CHRM3: variants seen among roughly 807,000 people sequenced by gnomAD.
The protein encoded by CHRM3 is muscarinic acetylcholine receptor M3.
In CHRM3, 11 loss-of-function variants were observed where a neutral mutation model predicts 41.8. The ratio of observed to expected loss-of-function variants is 0.26; its 90% CI spans 0.17 to 0.44. The LOEUF is 0.44. Ranked by LOEUF, CHRM3 falls within the 20% of genes least tolerant of loss-of-function variation. The probability of loss-of-function intolerance (pLI) is 1.00; values close to 1 mark genes in which losing one functional copy is unlikely to be tolerated. For missense variants in CHRM3, 571 were observed against 745.4 expected (o/e 0.77, Z 2.72); for synonymous variants, 297 against 301.4 (o/e 0.99, Z 0.15).
At chr1:239,564,550 T>C (rs1661170964) in intron 3 of CHRM3, among the ~76,000 whole-genome samples, 1 of 152,216 alleles carries the variant, frequency 6.6e-6, no homozygotes, top group Non-Finnish European at 1.5e-5. Context: ...ACAGAGAAAC[T>C]AATTATTCCA....
At chr1:239,838,658 G>A (rs1193068248) in intron 6 of CHRM3, among the ~76,000 whole-genome samples, 3 of 152,184 alleles carry the variant, frequency 2.0e-5, no homozygotes, top group Admixed American at 6.5e-5. Context: ...AAGCTGGTTA[G>A]TGATAAAGTA....
At chr1:239,739,781 T>G (rs769495895) in intron 5 of CHRM3, among the ~76,000 whole-genome samples, 2 of 152,182 alleles carry the variant, frequency 1.3e-5, no homozygotes, top group Non-Finnish European at 2.9e-5. Flanking sequence ...AGTGTCTGTT[T>G]TCTTTAGCAA....
At chr1:239,618,688 C>CAAAGAAA in intron 3 of CHRM3, among the ~76,000 whole-genome samples, 1 of 150,480 alleles carries the variant, frequency 6.6e-6, no homozygotes, top group Non-Finnish European at 1.5e-5. Flanking sequence ...ACTAAAAATA[C>CAAAGAAA]AAAAAATTAG....
intron 1 of CHRM3, among the ~76,000 whole-genome samples, chr1:239,427,825 A>G (rs990584866): frequency 6.6e-6 from 1 of 152,090 alleles, no homozygotes; most frequent in African/African-American, 2.4e-5. Flanking sequence ...GTTTTGCTGA[A>G]AGAAAAGGCA....
chr1:239,473,624 A>T (rs1666278466), intron 1 of CHRM3, among the ~76,000 whole-genome samples: 1 of 152,178 alleles, frequency 6.6e-6, no homozygotes, highest in African/African-American at 2.4e-5. Flanking sequence ...AAAGCCAGAA[A>T]CAACTCAAAT....
intron 1 of CHRM3, among the ~76,000 whole-genome samples, chr1:239,464,211 C>A (rs1440505219): frequency 1.3e-5 from 2 of 149,642 alleles, no homozygotes; most frequent in African/African-American, 4.9e-5. Context: ...ACCCAGGAAG[C>A]AGCAGTTGCA....
In CHRM3 at chr1:239,676,140, A is replaced by T. The variant is rs150289053; in HGVS notation, c.-249-2046A>T. On this transcript the variant is annotated intron_variant, in intron 4 of 6. Coordinates refer to ENST00000676153, the MANE Select transcript of CHRM3 (RefSeq NM_001375978.1). ...AAGACAGTTCTAACTTCTTGTCAGCATCAAAGACCCTTGCCCCAGACGCTG... is the reference window on the plus strand; with the variant it reads ...AAGACAGTTCTAACTTCTTGTCAGCTTCAAAGACCCTTGCCCCAGACGCTG... Among the ~76,000 whole-genome samples the T allele has an allele frequency of 4.5e-3, 678 of 152,326 alleles. 4 individuals carry two copies. The highest frequency in any genetic ancestry group is 0.015 in the African/African-American group (639 of 41,562).
chr1:239,767,559 T>C (rs1379874092), intron 5 of CHRM3, among the ~76,000 whole-genome samples: 2 of 152,198 alleles, frequency 1.3e-5, no homozygotes, highest in Admixed American at 6.5e-5. Flanking sequence ...ATCAATATGG[T>C]TAACAAATCA....
intron 6 of CHRM3, among the ~76,000 whole-genome samples, chr1:239,835,455 A>C (rs1673233149): frequency 6.6e-6 from 1 of 151,876 alleles, no homozygotes; most frequent in Admixed American, 6.6e-5. Context: ...TTGTTTGGGC[A>C]ATGCTGTCAA....
intron 3 of CHRM3, among the ~76,000 whole-genome samples, chr1:239,618,001 A>G (rs751769041): frequency 3.9e-5 from 6 of 152,012 alleles, no homozygotes; most frequent in Middle Eastern, 3.2e-3. Flanking sequence ...AGCAGCATTC[A>G]TCAGTCTTCT....
intron 4 of CHRM3, among the ~76,000 whole-genome samples, chr1:239,635,977 T>A (rs1319478767): frequency 6.6e-6 from 1 of 152,112 alleles, no homozygotes; most frequent in Non-Finnish European, 1.5e-5. Context: ...GAGAAAAAGA[T>A]GAAGAAACAA....
intron 5 of CHRM3, among the ~76,000 whole-genome samples, chr1:239,739,978 C>G (rs1664699922): frequency 6.6e-6 from 1 of 151,992 alleles, no homozygotes; most frequent in South Asian, 2.1e-4. Flanking sequence ...TCATCTCTCT[C>G]TGGGCATTAA....
At chr1:239,464,046 G>A (rs1000080480) in intron 1 of CHRM3, among the ~76,000 whole-genome samples, 7 of 152,160 alleles carry the variant, frequency 4.6e-5, no homozygotes, top group African/African-American at 1.7e-4. Flanking sequence ...GGAGGCCAAG[G>A]TGGGCGGATC....
intron 2 of CHRM3, among the ~76,000 whole-genome samples, chr1:239,517,160 G>T (rs183236446): frequency 1.3e-5 from 2 of 152,222 alleles, no homozygotes; most frequent in Admixed American, 6.5e-5. Flanking sequence ...CCATGAAATC[G>T]ATCCCTGGTG....
chr1:239,766,638 A>G (rs1667232158), intron 5 of CHRM3, among the ~76,000 whole-genome samples: 1 of 151,870 alleles, frequency 6.6e-6, no homozygotes, highest in Admixed American at 6.5e-5. Flanking sequence ...AGACATAAAT[A>G]TAGATAGATA....
intron 1 of CHRM3, among the ~76,000 whole-genome samples, chr1:239,453,173 C>G (rs889552352): frequency 2.6e-5 from 4 of 152,176 alleles, no homozygotes; most frequent in African/African-American, 9.7e-5. Flanking sequence ...AGCTCAGAAG[C>G]CCTTCAGACT....
chr1:239,688,078 G>GA (rs1659319719), intron 5 of CHRM3, among the ~76,000 whole-genome samples: 1 of 151,606 alleles, frequency 6.6e-6, no homozygotes, highest in African/African-American at 2.4e-5. Context: ...TTGCCAGCCT[G>GA]AAAAAAATTG....
chr1:239,392,543 C>G (rs555592375), intron 1 of CHRM3, among the ~76,000 whole-genome samples: 1 of 152,104 alleles, frequency 6.6e-6, no homozygotes, highest in Non-Finnish European at 1.5e-5. Context: ...GGATATCCGC[C>G]GACTACTGCT....
intron 5 of CHRM3, among the ~76,000 whole-genome samples, chr1:239,775,341 T>G (rs1465962590): frequency 1.3e-5 from 2 of 152,200 alleles, no homozygotes; most frequent in East Asian, 3.8e-4. Context: ...TTTTAAGAGG[T>G]ACAAGATTGT....
Sources: allele counts gnomAD v4.1 joint callset (sites outside exome capture counted in the v4.1 genomes callset), GRCh38; gene constraint gnomAD v4.1.1; transcripts MANE v1.5; gene names NCBI Gene and HGNC (gene_info 2026-07-23, HGNC 2026-07-21).